PSD3: variants seen among roughly 807,000 people sequenced by gnomAD.
The protein encoded by PSD3 is pleckstrin and Sec7 domain containing 3.
Under a neutral mutation model 105.5 loss-of-function variants are expected in PSD3, and 49 were observed. The ratio of observed to expected loss-of-function variants is 0.46; its 90% confidence interval spans 0.37 to 0.59. The LOEUF is 0.59. Among genes scored for constraint, PSD3 ranks in the 20% least tolerant of loss-of-function variants. The pLI, the probability that PSD3 is intolerant of heterozygous loss-of-function variation, is 0.00. For synonymous variants in PSD3, 557 were observed against 457.8 expected (o/e 1.22, Z -2.77); for missense variants, 1,561 against 1,263.8 (o/e 1.24, Z -3.57).
chr8:18,758,107 G>C (rs1263464835), intron 9 of PSD3, among the ~76,000 whole-genome samples: 1 of 151,978 alleles, frequency 6.6e-6, no homozygotes, highest in Admixed American at 6.6e-5. Context: ...TCCTCCAATG[G>C]TAACATCTGC....
intron 12 of PSD3, among the ~76,000 whole-genome samples, chr8:18,599,710 G>T (rs1262271319): frequency 6.6e-6 from 1 of 152,106 alleles, no homozygotes; most frequent in African/African-American, 2.4e-5. Flanking sequence ...CACTTGTGGG[G>T]CGTGAAACCC....
chr8:19,065,421 G>C (rs1172795232), intron 1 of PSD3, among the ~76,000 whole-genome samples: 1 of 152,010 alleles, frequency 6.6e-6, no homozygotes, highest in East Asian at 1.9e-4. Flanking sequence ...ACAGCTTGAG[G>C]GCTCAGTCTG....
At position 18,590,100 on chromosome 8, in the gene PSD3, A is replaced by C. The variant is rs185131470; in HGVS notation, c.2481+10264T>G. ...AAGATACAGTATAGTTGAAATATAA[A>C]GTCCTTTAAATAAAGATCTGGGTGG... On this transcript the variant is annotated intron_variant, in intron 12 of 15. Coordinates refer to ENST00000327040, the MANE Select transcript of PSD3 (RefSeq NM_015310.4). Among the ~76,000 whole-genome samples the C allele has an allele frequency of 1.4e-3, 217 of 152,366 alleles. 2 individuals carry two copies. The highest frequency in any genetic ancestry group is 5.0e-3 in the African/African-American group (209 of 41,592).
At chr8:18,692,243 G>C (rs1443410765) in intron 9 of PSD3, among the ~76,000 whole-genome samples, 1 of 152,120 alleles carries the variant, frequency 6.6e-6, no homozygotes, top group Admixed American at 6.5e-5. Context: ...TCTTCCCACT[G>C]AGCTGACACT....
intron 15 of PSD3, among the ~76,000 whole-genome samples, chr8:18,549,790 T>G (rs1800657644): frequency 6.6e-6 from 1 of 152,246 alleles, no homozygotes; most frequent in Non-Finnish European, 1.5e-5. Flanking sequence ...ATTCCTGAAC[T>G]GAAATATTTT....
At chr8:18,894,626 T>TC (rs1819020147) in intron 2 of PSD3, among the ~76,000 whole-genome samples, 1 of 152,198 alleles carries the variant, frequency 6.6e-6, no homozygotes, top group South Asian at 2.1e-4. Flanking sequence ...GCAAGATAAC[T>TC]GTAGATGAGA....
chr8:18,811,278 T>G (rs1811658049), intron 4 of PSD3, among the ~76,000 whole-genome samples: 1 of 152,210 alleles, frequency 6.6e-6, no homozygotes, highest in African/African-American at 2.4e-5. Context: ...TCCAATGCTT[T>G]ACTACTTTTA....
chr8:18,636,636 T>TTAA, intron 10 of PSD3, among the ~76,000 whole-genome samples: 1 of 152,306 alleles, frequency 6.6e-6, no homozygotes, highest in South Asian at 2.1e-4. Flanking sequence ...CATGGTAAAG[T>TTAA]GCCCTAAACA....
At chr8:18,939,668 T>C (rs971004405) in intron 1 of PSD3, among the ~76,000 whole-genome samples, 1 of 152,184 alleles carries the variant, frequency 6.6e-6, no homozygotes, top group African/African-American at 2.4e-5. Flanking sequence ...GCCAATCAAA[T>C]TGGTTTCTTT....
chr8:18,990,583 C>T (rs1825737614), intron 1 of PSD3, among the ~76,000 whole-genome samples: 1 of 152,190 alleles, frequency 6.6e-6, no homozygotes, highest in South Asian at 2.1e-4. Context: ...CCCTCATTCT[C>T]ACTCCATGTG....
At chr8:19,055,577 G>T (rs1828684494) in intron 1 of PSD3, among the ~76,000 whole-genome samples, 1 of 152,068 alleles carries the variant, frequency 6.6e-6, no homozygotes, top group Non-Finnish European at 1.5e-5. Context: ...TTTTTCACTG[G>T]TCTGCATCAT....
intron 1 of PSD3, among the ~76,000 whole-genome samples, chr8:18,949,006 G>C (rs990869291): frequency 1.3e-5 from 2 of 151,034 alleles, no homozygotes; most frequent in East Asian, 1.9e-4. Context: ...GCAAAAGATT[G>C]CTCTTGATTA....
chr8:18,813,701 C>A (rs1044865631), intron 4 of PSD3, among the ~76,000 whole-genome samples: 1 of 152,192 alleles, frequency 6.6e-6, no homozygotes, highest in Non-Finnish European at 1.5e-5. Flanking sequence ...AGTTCAAACA[C>A]TGGCTCCAGT....
intron 9 of PSD3, among the ~76,000 whole-genome samples, chr8:18,661,736 T>C (rs1486137592): frequency 6.6e-6 from 1 of 152,132 alleles, no homozygotes; most frequent in Non-Finnish European, 1.5e-5. Flanking sequence ...TAAGCAGAGA[T>C]GCAAAAGGAG....
intron 10 of PSD3, among the ~76,000 whole-genome samples, chr8:18,633,267 T>TA (rs940354374): frequency 3.3e-5 from 5 of 152,044 alleles, no homozygotes; most frequent in Non-Finnish European, 5.9e-5. Flanking sequence ...GCAAAAGTGT[T>TA]AGAGTCAGTC....
intron 4 of PSD3, among the ~76,000 whole-genome samples, chr8:18,856,588 T>C (rs1816027263): frequency 6.6e-6 from 1 of 152,240 alleles, no homozygotes; most frequent in Non-Finnish European, 1.5e-5. Context: ...ACATCTTATT[T>C]TCTCTATACT....
At chr8:18,807,072 A>T (rs956347816) in intron 4 of PSD3, among the ~76,000 whole-genome samples, 1 of 152,238 alleles carries the variant, frequency 6.6e-6, no homozygotes, top group African/African-American at 2.4e-5. Context: ...TAAAAATCTG[A>T]ACCTAAAAAA....
At chr8:18,651,752 T>A (rs779713027) in intron 10 of PSD3, among the ~76,000 whole-genome samples, 1 of 151,978 alleles carries the variant, frequency 6.6e-6, no homozygotes, top group South Asian at 2.1e-4. Flanking sequence ...AGAAAACAGA[T>A]GGAATAGGAG....
intron 12 of PSD3, among the ~76,000 whole-genome samples, chr8:18,591,746 C>G (rs1040194627): frequency 6.6e-6 from 1 of 152,152 alleles, no homozygotes; most frequent in Non-Finnish European, 1.5e-5. Flanking sequence ...GGAGTGGTAT[C>G]TGACTCTCCT....
Sources: allele counts gnomAD v4.1 joint callset (sites outside exome capture counted in the v4.1 genomes callset), GRCh38; gene constraint gnomAD v4.1.1; transcripts MANE v1.5; gene names NCBI Gene and HGNC (gene_info 2026-07-23, HGNC 2026-07-21).